Variants in NPAT observed in about 807,000 individuals in gnomAD.
The protein encoded by NPAT is protein NPAT.
A neutral mutation model predicts 130.7 loss-of-function variants in NPAT; 52 were observed. That is an observed-to-expected ratio of 0.40 (90% CI 0.32 to 0.50). The LOEUF is 0.50. Ranked by LOEUF, NPAT falls within the 20% of genes least tolerant of loss-of-function variation. The probability of loss-of-function intolerance (pLI) is 0.68; values close to 1 mark genes in which losing one functional copy is unlikely to be tolerated. For missense variants in NPAT, 1,687 were observed against 1,662.6 expected, an observed-to-expected ratio of 1.01 and a Z score of -0.26; for synonymous variants, 580 against 584.8, an observed-to-expected ratio of 0.99 and a Z score of 0.12.
Position 108,208,768 on chromosome 11 carries a change from TAAAC to T in NPAT, c.38-11352_38-11349del, listed in dbSNP as rs367901477. 8.3e-4 allele frequency among the ~76,000 whole-genome samples: 126 copies of T among 152,218 alleles called. 2 individuals are homozygous for T. Among genetic ancestry groups the T allele is most frequent in the African/African-American group, 2.8e-3 (116 of 41,554 alleles). ...ATAGAACAACTAGGCAGAAGATCAA[TAAAC>T]AAACAGAAAATTTAAACTGTAAAGC... is the stretch of plus-strand genomic sequence containing the variant. On this transcript the variant is annotated intron_variant, in intron 1 of 17. Transcript: ENST00000278612.
intron 10 of NPAT, among the ~76,000 whole-genome samples, chr11:108,178,463 T>G (rs1004425773): frequency 1.3e-5 from 2 of 152,148 alleles, no homozygotes; most frequent in African/African-American, 4.8e-5. Context: ...GATTTAATAT[T>G]GCTAAGATTC....
chr11:108,169,640 G>C, intron 15 of NPAT, 104 bp downstream of exon 15: 1 of 851,396 alleles, frequency 1.2e-6, no homozygotes, highest in Non-Finnish European at 2.0e-6. Context: ...GTGATCACTT[G>C]TTTTAAAATG....
At chr11:108,159,499 T>G (rs2077825293) in intron 17 of NPAT, among the ~76,000 whole-genome samples, 1 of 152,172 alleles carries the variant, frequency 6.6e-6, no homozygotes, top group Non-Finnish European at 1.5e-5. Flanking sequence ...TTAACCATGA[T>G]CACAGGACCA....
chr11:108,214,702 G>A (rs964371495), intron 1 of NPAT, among the ~76,000 whole-genome samples: 2 of 148,182 alleles, frequency 1.3e-5, no homozygotes, highest in East Asian at 2.0e-4. Context: ...ATGCAATCTC[G>A]GCTCACTGCA....
chr11:108,221,855 C>T (rs1322513819), intron 1 of NPAT, among the ~76,000 whole-genome samples: 1 of 152,186 alleles, frequency 6.6e-6, no homozygotes, highest in Non-Finnish European at 1.5e-5. Flanking sequence ...GAAGGTAAAA[C>T]TAGGGCTAGA....
chr11:108,170,569 A>G (rs1207104823), intron 13 of NPAT, among the ~76,000 whole-genome samples: 1 of 152,242 alleles, frequency 6.6e-6, no homozygotes, highest in Non-Finnish European at 1.5e-5. Context: ...AGGGAAAATT[A>G]CAATGTCTAC....
At chr11:108,200,188 C>A (rs1234634787) in intron 1 of NPAT, among the ~76,000 whole-genome samples, 9 of 152,218 alleles carry the variant, frequency 5.9e-5, no homozygotes, top group Non-Finnish European at 1.3e-4. Flanking sequence ...GGAGTCAGCA[C>A]AGTCCTATGA....
chr11:108,162,486 A>C (rs985381554), intron 15 of NPAT, among the ~76,000 whole-genome samples: 1 of 152,216 alleles, frequency 6.6e-6, no homozygotes, highest in Non-Finnish European at 1.5e-5. Flanking sequence ...GCTGGAGCGC[A>C]GTGGCATGAT....
In NPAT at chr11:108,169,962, T is replaced by C. The variant is rs1193920145; in HGVS notation, c.2867A>G (p.Gln956Arg). ...VGMIPVSVVG[Q>R]NGNNFSTPPR... is the part of the protein sequence containing the mutation. ...AGGAGTAGAAAAGTTATTTCCATTC[T>C]GTCCAACCACAGATACTGGGATCAT... is the stretch of plus-strand genomic sequence containing the variant. The change falls in exon 14 of 18, where the codon CAG (glutamine) becomes CGG (arginine). Residue 956 changes from glutamine to arginine, a missense_variant. By Grantham distance (43) the Gln-to-Arg change is conservative (BLOSUM62 1). Coordinates refer to ENST00000278612, the MANE Select transcript of NPAT (RefSeq NM_002519.3). 1.9e-6 allele frequency: 3 copies of C among 1,614,002 alleles called. No individual in the cohort carries two copies. Among genetic ancestry groups the C allele is most frequent in the Middle Eastern group, 3.3e-4 (2 of 6,060 alleles).
chr11:108,176,127 C>CA (rs1162516459), intron 12 of NPAT, 119 bp downstream of exon 12: 1 of 752,448 alleles, frequency 1.3e-6, no homozygotes, highest in Admixed American at 2.7e-5. Context: ...GAGAAAAATA[C>CA]AAAAATGACC....
At chr11:108,186,659 C>T in intron 7 of NPAT, 90 bp from the exon 8 acceptor site, 2 of 1,065,040 alleles carry the variant, frequency 1.9e-6, no homozygotes, top group Non-Finnish European at 2.8e-6. Context: ...TTTAAGATCA[C>T]CATAACAGAA....
rs969216322 is a variant in NPAT at position 108,173,073 on chromosome 11, A to G, written c.1911T>C (p.Asn637=). The part of the protein sequence containing the change: ...DSLSSTKQPS[N]DSASVELNHT... ...GATTTAACTCAACAGATGCTGAATC[A>G]TTAGATGGTTGTTTAGTAGAAGACA... Residue 637 remains asparagine, a synonymous_variant, in exon 13 of 18, where the codon AAT becomes AAC. Coordinates refer to ENST00000278612, the MANE Select transcript of NPAT (RefSeq NM_002519.3). The G allele has an allele frequency of 2.2e-5, 36 of 1,614,010 alleles. No individual in the cohort carries two copies. The highest frequency in any genetic ancestry group is 3.1e-5 in the Non-Finnish European group (36 of 1,180,022).
At position 108,221,601 on chromosome 11, in the gene NPAT, T is replaced by A. The variant is rs149079638; in HGVS notation, c.37+899A>T. Among the ~76,000 whole-genome samples the A allele has an allele frequency of 7.0e-4, 106 of 152,284 alleles. No individual in the cohort carries two copies. In the East Asian group the frequency reaches 0.017, roughly 24 times the overall value. On this transcript the variant is annotated intron_variant, in intron 1 of 17. Transcript: ENST00000278612. ...CAAATGGGTTTTCCGAACAATAAAA[T>A]AATAGTAGTAATGGCTGTGAATACT...
At chr11:108,215,537 G>A (rs2078426024) in intron 1 of NPAT, among the ~76,000 whole-genome samples, 1 of 152,112 alleles carries the variant, frequency 6.6e-6, no homozygotes, top group Non-Finnish European at 1.5e-5. Context: ...ATAAAAAAAA[G>A]AAATTATGTC....
chr11:108,200,975 C>A (rs1224416573), intron 1 of NPAT, among the ~76,000 whole-genome samples: 3 of 152,250 alleles, frequency 2.0e-5, no homozygotes, highest in Non-Finnish European at 4.4e-5. Flanking sequence ...GATGGTGTTA[C>A]CGCAGGGATT....
At chr11:108,205,701 A>T (rs2134886740) in intron 1 of NPAT, among the ~76,000 whole-genome samples, 1 of 152,346 alleles carries the variant, frequency 6.6e-6, no homozygotes, top group South Asian at 2.1e-4. Flanking sequence ...GGACTCCTTC[A>T]GGCTAAAATG....
At chr11:108,213,531 C>T (rs2078404273) in intron 1 of NPAT, among the ~76,000 whole-genome samples, 1 of 152,212 alleles carries the variant, frequency 6.6e-6, no homozygotes, top group African/African-American at 2.4e-5. Flanking sequence ...CAAAGACATA[C>T]TGTGTTCATG....
chr11:108,195,163 A>C lies in NPAT; in HGVS notation c.157-1146T>G, dbSNP rs182986528. On this transcript the variant is annotated intron_variant, in intron 2 of 17. Transcript: ENST00000278612. ...CCACTATAAGCAAACACCAGTGTCT[A>C]GGTTTTTCTGTGAGAACAAGTTTTC... Among the ~76,000 whole-genome samples, 286 of 152,302 alleles carry C rather than the reference A, an allele frequency of 1.9e-3. 6 individuals carry two copies. Among genetic ancestry groups the C allele is most frequent in the Non-Finnish European group, 3.7e-4 (25 of 68,028 alleles).
chr11:108,180,348 A>G (rs1409770003), intron 10 of NPAT, among the ~76,000 whole-genome samples: 1 of 152,230 alleles, frequency 6.6e-6, no homozygotes, highest in African/African-American at 2.4e-5. Flanking sequence ...TAAGTCACAT[A>G]ATATATAAGA....
Sources: allele counts gnomAD v4.1 joint callset (sites outside exome capture counted in the v4.1 genomes callset), GRCh38; gene constraint gnomAD v4.1.1; transcripts MANE v1.5; gene names NCBI Gene and HGNC (gene_info 2026-07-23, HGNC 2026-07-21).